The following PREX2 variants were observed in gnomAD, a reference collection of about 807,000 sequenced individuals.
PREX2 encodes the protein phosphatidylinositol 3,4,5-trisphosphate-dependent Rac exchanger 2 protein.
PREX2 carries 107 observed loss-of-function variants against 203.2 expected under a neutral mutation model. The ratio of observed to expected loss-of-function variants is 0.53; its 90% CI spans 0.45 to 0.62. PREX2 has a LOEUF of 0.62. PREX2 is among the 20% of genes least tolerant of loss of function. PREX2 has a pLI of 0.00. For missense variants in PREX2, 1,777 were observed against 1,955.9 expected (o/e 0.91, Z 1.72); for synonymous variants, 672 against 663.6 (o/e 1.01, Z -0.19).
intron 34 of PREX2, among the ~76,000 whole-genome samples, chr8:68,152,661 A>G (rs1234121929): frequency 6.6e-6 from 1 of 152,218 alleles, no homozygotes; most frequent in East Asian, 1.9e-4. Flanking sequence ...TGAGTAGCTC[A>G]GGAGGCCCGC....
At position 68,093,787 on chromosome 8, in the gene PREX2, C is replaced by T. The variant is rs931636789; in HGVS notation, c.2368+65C>T. The T allele has an allele frequency of 2.1e-5, 17 of 811,954 alleles. No homozygotes were observed. The African/African-American group carries it at 2.6e-4, about 12-fold the overall frequency. The allele number at this position is 811,954 out of a possible 1,614,324, so 50.3% of individuals were successfully genotyped here. A position where few individuals can be genotyped will look rare whatever the true frequency, so the allele number is the denominator to read the frequency against. The stretch of plus-strand genomic sequence containing the variant: ...CTTTTCCACTGTGCATGTGCCTACT[C>T]CCAAATATTGAAGGTCCTGTACATG... On this transcript the variant is annotated intron_variant, in intron 21 of 39. Coordinates refer to ENST00000288368, the MANE Select transcript of PREX2 (RefSeq NM_024870.4).
intron 8 of PREX2, among the ~76,000 whole-genome samples, chr8:68,051,812 A>G (rs1437624954): frequency 6.6e-6 from 1 of 152,176 alleles, no homozygotes; most frequent in Non-Finnish European, 1.5e-5. Context: ...TATTATCAGA[A>G]GTCATTTTTG....
intron 1 of PREX2, among the ~76,000 whole-genome samples, chr8:67,969,243 C>T (rs1031870998): frequency 2.6e-4 from 40 of 151,880 alleles, no homozygotes; most frequent in African/African-American, 9.2e-4. Context: ...ATAAAGGAAC[C>T]GGGGACAAGG....
chr8:68,195,642 C>T (rs1233694402), intron 37 of PREX2, among the ~76,000 whole-genome samples: 1 of 152,182 alleles, frequency 6.6e-6, no homozygotes, highest in Non-Finnish European at 1.5e-5. Context: ...CAGATCCACA[C>T]CTGCAAGCAA....
At chr8:67,986,465 G>T (rs947105774) in intron 1 of PREX2, among the ~76,000 whole-genome samples, 4 of 152,082 alleles carry the variant, frequency 2.6e-5, no homozygotes, top group African/African-American at 9.7e-5. Flanking sequence ...CTGTCTGCAG[G>T]TGGCTTGACT....
chr8:67,976,471 A>G (rs1353004295), intron 1 of PREX2, among the ~76,000 whole-genome samples: 3 of 146,348 alleles, frequency 2.0e-5, no homozygotes, highest in Admixed American at 6.9e-5. Context: ...AGAGACAGAG[A>G]CAGAGAGAGA....
chr8:68,076,508 T>A (rs1809353620), intron 14 of PREX2, among the ~76,000 whole-genome samples: 1 of 151,546 alleles, frequency 6.6e-6, no homozygotes, highest in Non-Finnish European at 1.5e-5. Flanking sequence ...ATTATGGTAA[T>A]TTAGAAGGGA....
chr8:68,038,353 C>T (rs1808097349), intron 7 of PREX2, 61 bp downstream of exon 7: 1 of 1,536,774 alleles, frequency 6.5e-7, no homozygotes, highest in Non-Finnish European at 8.9e-7. Context: ...TCCCTCTGTG[C>T]TTCCCAGAAC....
At chr8:68,053,345 T>C in intron 9 of PREX2, 99 bp downstream of exon 9, 1 of 1,254,140 alleles carries the variant, frequency 8.0e-7, no homozygotes, top group Non-Finnish European at 1.1e-6. Flanking sequence ...AGGTATATGA[T>C]GGTCACTTGA....
At chr8:68,224,960 A>C (rs1248013836) in intron 39 of PREX2, among the ~76,000 whole-genome samples, 1 of 152,098 alleles carries the variant, frequency 6.6e-6, no homozygotes, top group African/African-American at 2.4e-5. Context: ...TCCTTCTAGC[A>C]TGATTGCCTT....
At chr8:68,016,349 AC>A (rs1249122157) in intron 1 of PREX2, among the ~76,000 whole-genome samples, 2 of 152,104 alleles carry the variant, frequency 1.3e-5, no homozygotes, top group African/African-American at 4.8e-5. Flanking sequence ...TTTTCACCAG[AC>A]AGTATTTTAT....
intron 35 of PREX2, among the ~76,000 whole-genome samples, chr8:68,182,006 C>T (rs1812094076): frequency 6.6e-6 from 1 of 151,974 alleles, no homozygotes; most frequent in Non-Finnish European, 1.5e-5. Context: ...AAACTACTGA[C>T]TTGAAAGATA....
intron 34 of PREX2, among the ~76,000 whole-genome samples, chr8:68,150,798 C>T (rs144659553): frequency 7.9e-5 from 12 of 152,272 alleles, no homozygotes; most frequent in South Asian, 2.1e-4. Flanking sequence ...ACCACAAGCT[C>T]GGTGGCTTAA....
intron 1 of PREX2, among the ~76,000 whole-genome samples, chr8:68,000,091 A>G (rs1349291268): frequency 6.6e-6 from 1 of 152,148 alleles, no homozygotes; most frequent in Non-Finnish European, 1.5e-5. Flanking sequence ...CTCCTACTCA[A>G]CACAGTATTG....
intron 35 of PREX2, among the ~76,000 whole-genome samples, chr8:68,169,140 G>A (rs1811818671): frequency 6.6e-6 from 1 of 151,928 alleles, no homozygotes. Context: ...TCCTCTGTGT[G>A]GCCTTCCTTT....
chr8:68,074,407 G>A (rs1341737835), intron 14 of PREX2, among the ~76,000 whole-genome samples: 1 of 152,156 alleles, frequency 6.6e-6, no homozygotes, highest in Non-Finnish European at 1.5e-5. Flanking sequence ...TATAAACTTA[G>A]ACAAGTCACT....
At chr8:68,129,533 A>G (rs979385061) in intron 31 of PREX2, among the ~76,000 whole-genome samples, 28 of 151,996 alleles carry the variant, frequency 1.8e-4, no homozygotes, top group African/African-American at 6.5e-4. Context: ...TTTTATTTCT[A>G]CCTTTCTCTT....
intron 11 of PREX2, among the ~76,000 whole-genome samples, chr8:68,065,547 C>T (rs1808992776): frequency 6.6e-6 from 1 of 152,102 alleles, no homozygotes; most frequent in African/African-American, 2.4e-5. Flanking sequence ...TGAAACTTCA[C>T]ATATGTATGT....
intron 31 of PREX2, among the ~76,000 whole-genome samples, chr8:68,131,244 G>C (rs763957555): frequency 2.0e-5 from 3 of 152,194 alleles, no homozygotes; most frequent in Non-Finnish European, 2.9e-5. Flanking sequence ...ACAAGGTCCC[G>C]CTTATGCCAC....
Sources: allele counts gnomAD v4.1 joint callset (sites outside exome capture counted in the v4.1 genomes callset), GRCh38; gene constraint gnomAD v4.1.1; transcripts MANE v1.5; gene names NCBI Gene and HGNC (gene_info 2026-07-23, HGNC 2026-07-21).